The following BOLA3 variants were observed in gnomAD, a reference collection of about 807,000 sequenced individuals.
The protein encoded by BOLA3 is bolA family member 3.
BOLA3 carries 8 observed loss-of-function variants against 14.5 expected under a neutral mutation model. The observed-to-expected ratio is 0.55, with a 90% CI of 0.32 to 0.99. The LOEUF is 0.99. Ranked by LOEUF, BOLA3 falls within the 50% of genes least tolerant of loss-of-function variation. The probability of loss-of-function intolerance (pLI) is 0.04; values close to 1 mark genes in which losing one functional copy is unlikely to be tolerated. For missense variants in BOLA3, 115 were observed against 138.2 expected (o/e 0.83, Z 0.84); for synonymous variants, 42 against 45.7 (o/e 0.92, Z 0.33).
At chr2:74,140,407 A>G (rs1437624499) in intron 3 of BOLA3, among the ~76,000 whole-genome samples, 1 of 152,240 alleles carries the variant, frequency 6.6e-6, no homozygotes, top group Non-Finnish European at 1.5e-5. Flanking sequence ...AAGAAAACAC[A>G]AGCCAACTCT....
rs878863397 is a variant in BOLA3 at position 74,142,423 on chromosome 2, A to G, written c.170-63T>C. The G allele has an allele frequency of 5.7e-6, 7 of 1,225,188 alleles. No homozygotes were observed. The South Asian group carries it at 8.4e-5, about 15-fold the overall frequency. The allele number at this position is 1,225,188 out of a possible 1,614,324, so 75.9% of individuals were successfully genotyped here. A position where few individuals can be genotyped will look rare whatever the true frequency, so the allele number is the denominator to read the frequency against. On this transcript the variant is annotated intron_variant, in intron 2 of 3. Transcript: ENST00000327428. ...AGTCATGGCAGCCATGGTCCCATAT[A>G]TCCTTGAAGTACTGTACAATCCAAA...
chr2:74,139,882 C>G (rs1012259891), intron 3 of BOLA3, among the ~76,000 whole-genome samples: 1 of 152,134 alleles, frequency 6.6e-6, no homozygotes, highest in Non-Finnish European at 1.5e-5. Context: ...CAGTGGCTCA[C>G]GCCTGTAATC....
intron 3 of BOLA3, among the ~76,000 whole-genome samples, chr2:74,141,783 G>C (rs968659083): frequency 2.0e-5 from 3 of 152,090 alleles, no homozygotes; most frequent in African/African-American, 4.8e-5. Context: ...AATAAATATG[G>C]ATAATATTTA....
rs1450978000 is a variant in BOLA3, at chr2:74,137,026, A to G, written c.259-1368T>C. 2.6e-5 allele frequency among the ~76,000 whole-genome samples: 4 copies of G among 151,872 alleles called. No homozygotes were observed. In the East Asian group the frequency reaches 8.0e-4, roughly 30 times the overall value. On this transcript the variant is annotated intron_variant, in intron 3 of 3. Coordinates refer to ENST00000327428, the MANE Select transcript of BOLA3 (RefSeq NM_212552.3). ...ACAGAGGAAGAAATAAGGTCCTTTT[A>G]TACTAGGCCAAAATCTGATAATCAT...
intron 2 of BOLA3, among the ~76,000 whole-genome samples, chr2:74,143,604 A>C (rs746768868): frequency 5.9e-5 from 9 of 152,184 alleles, no homozygotes; most frequent in Non-Finnish European, 1.2e-4. Context: ...GGCCTGGGGC[A>C]AGTTCAGGAC....
intron 2 of BOLA3, among the ~76,000 whole-genome samples, chr2:74,142,652 T>C (rs1255456528): frequency 6.6e-6 from 1 of 151,640 alleles, no homozygotes; most frequent in Non-Finnish European, 1.5e-5. Flanking sequence ...ACCTAGGGAG[T>C]GTAGAGTGTT....
chr2:74,137,248 T>C (rs965735882), intron 3 of BOLA3, among the ~76,000 whole-genome samples: 1 of 152,208 alleles, frequency 6.6e-6, no homozygotes, highest in South Asian at 2.1e-4. Context: ...AGAATCTCCC[T>C]TGGGATTTCT....
intron 1 of BOLA3, 138 bp from the exon 2 acceptor site, chr2:74,145,441 C>T (rs1692526339): frequency 1.4e-6 from 1 of 704,190 alleles, no homozygotes; most frequent in African/African-American, 1.7e-5. Context: ...TGGGTTATGT[C>T]AGAGGGGCTC....
At chr2:74,139,716 C>T (rs1441233246) in intron 3 of BOLA3, among the ~76,000 whole-genome samples, 1 of 152,210 alleles carries the variant, frequency 6.6e-6, no homozygotes, top group Non-Finnish European at 1.5e-5. Flanking sequence ...TAAGAATGTA[C>T]TGTGGCCAGG....
At chr2:74,142,535 C>T (rs762921745) in intron 2 of BOLA3, among the ~76,000 whole-genome samples, 175 bp from the exon 3 acceptor site, 2 of 152,158 alleles carry the variant, frequency 1.3e-5, no homozygotes, top group Non-Finnish European at 2.9e-5. Context: ...ACATGCTCCT[C>T]CTGACAGGCT....
Position 74,135,401 on chromosome 2 carries a change from G to A in BOLA3, c.*192C>T. 1.1e-6 allele frequency: 1 copy of A among 912,092 alleles called. No individual in the cohort carries two copies. The highest frequency in any genetic ancestry group is 1.7e-6 in the Non-Finnish European group (1 of 576,962). The allele number at this position is 912,092 out of a possible 1,614,324, so 56.5% of individuals were successfully genotyped here. On this transcript the variant is annotated 3_prime_UTR_variant, in exon 4 of 4. Coordinates refer to ENST00000327428, the MANE Select transcript of BOLA3 (RefSeq NM_212552.3). ...TAAAGGAACCTGAAACATTACTAAT[G>A]ACCCTTCAAAAGCTTCAGTTGTTTG...
In BOLA3 at chr2:74,142,280, C is replaced by T; in HGVS notation, c.250G>A (p.Val84Ile). Reference sequence around the variant, plus strand: ...CTGTTGCCTCTACTGACCTGATTAACCATCTGGTGCTGCTGGACAGTTCTC... The same window carrying T: ...CTGTTGCCTCTACTGACCTGATTAATCATCTGGTGCTGCTGGACAGTTCTC... ...EKRTVQQHQM[V>I]NQALKEEIKE... Residue 84 changes from valine to isoleucine, a missense_variant, in exon 3 of 4, where the codon GTT becomes ATT. Physicochemically the swap from Val to Ile is conservative, Grantham distance 29 (BLOSUM62 3). Coordinates refer to ENST00000327428, the MANE Select transcript of BOLA3 (RefSeq NM_212552.3). 1 of 1,611,956 alleles carries T rather than the reference C, an allele frequency of 6.2e-7. No homozygotes were observed. Among genetic ancestry groups the T allele is most frequent in the South Asian group, 1.1e-5 (1 of 91,014 alleles).
chr2:74,144,518 C>CGT (rs35852691), intron 2 of BOLA3, among the ~76,000 whole-genome samples: 9,099 of 151,314 alleles, frequency 0.06, 321 homozygotes, highest in Non-Finnish European at 0.072. Flanking sequence ...TCTGTGTGTA[C>CGT]GTGTGTGTGT....
At position 74,135,634 on chromosome 2, in the gene BOLA3, T is replaced by C. The variant is rs1311419216; in HGVS notation, c.283A>G (p.Met95Val). Residue 95 changes from methionine to valine, a missense_variant, in exon 4 of 4, where the codon ATG becomes GTG. Met to Val is a conservative substitution (Grantham distance 21). Coordinates refer to ENST00000327428, the MANE Select transcript of BOLA3 (RefSeq NM_212552.3). Reference protein sequence around the residue: ...NQALKEEIKEMHGLRIFTSVP... With the variant: ...NQALKEEIKEVHGLRIFTSVP... ...GAGGTAAATATCCGCAATCCATGCA[T>C]CTCTTTGATTTCTTCTTTTAGTGCC... is the stretch of plus-strand genomic sequence containing the variant. 4 of 1,613,792 alleles carry C rather than the reference T, an allele frequency of 2.5e-6. No individual in the cohort carries two copies. The highest frequency in any genetic ancestry group is 2.7e-5 in the African/African-American group (2 of 74,920).
At position 74,145,229 on chromosome 2, in the gene BOLA3, C is replaced by G; in HGVS notation, c.129G>C (p.Lys43Asn). Residue 43 changes from lysine to asparagine, a missense_variant, in exon 2 of 4, where the codon AAG (lysine) becomes AAC (asparagine). Coordinates refer to ENST00000327428, the MANE Select transcript of BOLA3 (RefSeq NM_212552.3). ...ELRVTQILKE[K>N]FPRATAIKVT... is the part of the protein sequence containing the mutation. ...CTTTTATAGCTGTAGCTCGTGGAAA[C>G]TTTTCTTTGAGAATTTGGGTCACTC... 1.2e-6 allele frequency: 2 copies of G among 1,612,028 alleles called. No individual in the cohort carries two copies. The highest frequency in any genetic ancestry group is 1.7e-6 in the Non-Finnish European group (2 of 1,178,034).
At chr2:74,139,081 G>A (rs1692388340) in intron 3 of BOLA3, among the ~76,000 whole-genome samples, 1 of 152,200 alleles carries the variant, frequency 6.6e-6, no homozygotes. Flanking sequence ...TGGGCCCTGG[G>A]AGAGGCTGAG....
intron 3 of BOLA3, among the ~76,000 whole-genome samples, chr2:74,140,889 A>G (rs1232090985): frequency 6.6e-6 from 1 of 152,254 alleles, no homozygotes; most frequent in Admixed American, 6.5e-5. Context: ...TCAAGGTCAC[A>G]TGGCTAGAAA....
At chr2:74,145,399 G>C (rs1692525624) in intron 1 of BOLA3, 96 bp from the exon 2 acceptor site, 8 of 810,772 alleles carry the variant, frequency 9.9e-6, no homozygotes, top group Admixed American at 8.9e-5. Flanking sequence ...CCCCCTGCAA[G>C]GCAGGCCCCT....
At chr2:74,136,218 G>A (rs367931625) in intron 3 of BOLA3, among the ~76,000 whole-genome samples, 4 of 152,072 alleles carry the variant, frequency 2.6e-5, no homozygotes, top group East Asian at 3.8e-4. Flanking sequence ...CCAAAGTGCC[G>A]GAATTACAAG....
Sources: gnomAD v4.1 joint callset for allele counts (sites outside exome capture counted in the v4.1 genomes callset) on GRCh38, gnomAD v4.1.1 for gene constraint, MANE v1.5 for transcripts, NCBI Gene and HGNC (gene_info 2026-07-23, HGNC 2026-07-21) for gene names.